Variants in TRAPPC9 observed in about 807,000 individuals in gnomAD.
The protein encoded by TRAPPC9 is IKK2 binding protein.
A neutral mutation model predicts 124.0 loss-of-function variants in TRAPPC9; 83 were observed. That is an observed-to-expected ratio of 0.67 (90% CI 0.56 to 0.80). The LOEUF (loss-of-function observed/expected upper bound fraction) is 0.80, where lower values mean the gene tolerates loss of function less well. Among genes scored for constraint, TRAPPC9 ranks in the 30% least tolerant of loss-of-function variants. The pLI, the probability that TRAPPC9 is intolerant of heterozygous loss-of-function variation, is 0.00. For synonymous variants in TRAPPC9, 638 were observed against 617.5 expected, an observed-to-expected ratio of 1.03 and a Z score of -0.49; for missense variants, 1,302 against 1,508.3, an observed-to-expected ratio of 0.86 and a Z score of 2.27.
intron 19 of TRAPPC9, among the ~76,000 whole-genome samples, chr8:139,929,865 CT>C (rs1010032985): frequency 5.3e-5 from 8 of 152,336 alleles, no homozygotes; most frequent in African/African-American, 1.9e-4. Flanking sequence ...CCCTCCCCAC[CT>C]TTCCATCCTC....
chr8:139,787,579 T>C (rs1295252354), intron 21 of TRAPPC9, among the ~76,000 whole-genome samples: 1 of 152,212 alleles, frequency 6.6e-6, no homozygotes, highest in Non-Finnish European at 1.5e-5. Context: ...AAAGCTTAAA[T>C]GTAAATGAAC....
chr8:140,382,942 C>T (rs980965885), intron 7 of TRAPPC9, among the ~76,000 whole-genome samples: 2 of 152,184 alleles, frequency 1.3e-5, no homozygotes, highest in African/African-American at 4.8e-5. Flanking sequence ...CCTCACATGG[C>T]CGGGTAGCCC....
intron 17 of TRAPPC9, among the ~76,000 whole-genome samples, chr8:140,169,774 G>A (rs965228672): frequency 1.3e-5 from 2 of 152,086 alleles, no homozygotes; most frequent in Admixed American, 6.6e-5. Context: ...GAGGAGGATC[G>A]GCTGCTAGAT....
At chr8:139,956,453 G>A (rs34584814) in intron 19 of TRAPPC9, among the ~76,000 whole-genome samples, 71,468 of 151,966 alleles carry the variant, frequency 0.47, 17,741 homozygotes, top group African/African-American at 0.63. Context: ...GAGCCACCGC[G>A]CCCGGCCCAT....
intron 5 of TRAPPC9, among the ~76,000 whole-genome samples, chr8:140,413,494 A>C (rs2069782083): frequency 6.6e-6 from 1 of 151,846 alleles, no homozygotes; most frequent in Non-Finnish European, 1.5e-5. Flanking sequence ...CCAGACACCT[A>C]CTGAAGAACA....
At chr8:139,995,861 T>TA (rs35970083) in intron 18 of TRAPPC9, among the ~76,000 whole-genome samples, 5,851 of 96,828 alleles carry the variant, frequency 0.06, 370 homozygotes, top group African/African-American at 0.14. Flanking sequence ...TACTCTGCAT[T>TA]AAAAAAAAAA....
At chr8:140,018,339 T>TTTTTTTTTTTC (rs1839614976) in intron 18 of TRAPPC9, among the ~76,000 whole-genome samples, 3 of 114,634 alleles carry the variant, frequency 2.6e-5, no homozygotes, top group African/African-American at 8.0e-5. Context: ...TTTTTTTTTT[T>TTTTTTTTTTTC]TTGAGACGGA....
At chr8:139,829,494 C>T (rs566060596) in intron 21 of TRAPPC9, among the ~76,000 whole-genome samples, 20 of 152,342 alleles carry the variant, frequency 1.3e-4, no homozygotes, top group Non-Finnish European at 2.2e-4. Context: ...CTCATCTGCA[C>T]GCAAACACAC....
At chr8:139,769,416 G>T (rs1307788429) in intron 21 of TRAPPC9, among the ~76,000 whole-genome samples, 1 of 152,230 alleles carries the variant, frequency 6.6e-6, no homozygotes, top group Non-Finnish European at 1.5e-5. Context: ...GCACAGCGTG[G>T]ATTCACTGGA....
chr8:139,816,103 T>C (rs1250389044), intron 21 of TRAPPC9, among the ~76,000 whole-genome samples: 1 of 151,372 alleles, frequency 6.6e-6, no homozygotes, highest in Non-Finnish European at 1.5e-5. Context: ...AAGCACAGAG[T>C]GGGTGGGAGA....
At position 140,216,089 on chromosome 8, in the gene TRAPPC9, G is replaced by C. The variant is rs1260467498; in HGVS notation, c.2556+5370C>G. The C allele has an allele frequency of 6.6e-6, 1 of 152,220 alleles. No homozygotes were observed. The highest frequency in any genetic ancestry group is 2.4e-5 in the African/African-American group (1 of 41,454). The allele number at this position is 152,220 out of a possible 1,614,324, so 9.4% of individuals were successfully genotyped here. On this transcript the variant is annotated intron_variant, in intron 17 of 22. Coordinates refer to ENST00000438773, the MANE Select transcript of TRAPPC9 (RefSeq NM_001160372.4). The surrounding 1 kb of genome is among the most constrained non-coding windows in gnomAD (Gnocchi z 4.1). ...AAGAAGAAGGTGTCACAGTGTAACT[G>C]ACAGAGACCAAAGTGGGTAACTTGG...
intron 17 of TRAPPC9, among the ~76,000 whole-genome samples, chr8:140,050,101 T>C (rs909200856): frequency 6.6e-6 from 1 of 152,196 alleles, no homozygotes; most frequent in African/African-American, 2.4e-5. Flanking sequence ...GGGACCCATG[T>C]TGATAGTGGG....
chr8:140,400,974 T>C (rs998147719), intron 6 of TRAPPC9, among the ~76,000 whole-genome samples: 6 of 152,230 alleles, frequency 3.9e-5, no homozygotes, highest in South Asian at 2.1e-4. Context: ...TTTCAACTGA[T>C]GTTGCATAAT....
intron 19 of TRAPPC9, among the ~76,000 whole-genome samples, chr8:139,978,171 C>G (rs1268854321): frequency 6.6e-6 from 1 of 152,208 alleles, no homozygotes; most frequent in Non-Finnish European, 1.5e-5. Flanking sequence ...AGCCACGGCG[C>G]CCGGCTGAGG....
chr8:140,060,935 A>G (rs1216876825), intron 17 of TRAPPC9, among the ~76,000 whole-genome samples: 1 of 152,240 alleles, frequency 6.6e-6, no homozygotes, highest in East Asian at 1.9e-4. Context: ...TATTCAGCCA[A>G]TTTGTGAAAA....
At chr8:140,066,668 C>T (rs1342348411) in intron 17 of TRAPPC9, among the ~76,000 whole-genome samples, 2 of 152,160 alleles carry the variant, frequency 1.3e-5, no homozygotes, top group African/African-American at 4.8e-5. Flanking sequence ...CAATTCTCAA[C>T]CAGCAGGGAG....
At chr8:140,326,395 C>T (rs1477710458) in intron 9 of TRAPPC9, among the ~76,000 whole-genome samples, 2 of 152,122 alleles carry the variant, frequency 1.3e-5, no homozygotes, top group Non-Finnish European at 2.9e-5. Context: ...CACAGGTAGC[C>T]TATGTGCCTC....
At chr8:139,956,032 C>T (rs550810994) in intron 19 of TRAPPC9, among the ~76,000 whole-genome samples, 54 of 152,314 alleles carry the variant, frequency 3.5e-4, no homozygotes, top group African/African-American at 1.1e-3. Context: ...GGTTAGCACG[C>T]GGAGACCTGA....
chr8:140,037,500 A>C (rs937947211), intron 17 of TRAPPC9, among the ~76,000 whole-genome samples: 5 of 152,142 alleles, frequency 3.3e-5, no homozygotes, highest in Non-Finnish European at 5.9e-5. Flanking sequence ...TACAGTTCAG[A>C]CCTCAGCATA....
Sources: allele counts gnomAD v4.1 joint callset (sites outside exome capture counted in the v4.1 genomes callset), GRCh38; gene constraint gnomAD v4.1.1; non-coding constraint Gnocchi (gnomAD v3.1); transcripts MANE v1.5; gene names NCBI Gene and HGNC (gene_info 2026-07-23, HGNC 2026-07-21).